The following DLG2 variants were observed in gnomAD, a reference collection of about 807,000 sequenced individuals.
DLG2 encodes the protein discs large MAGUK scaffold protein 2.
In DLG2, 45 loss-of-function variants were observed where a neutral mutation model predicts 132.5. The observed-to-expected ratio is 0.34, with a 90% CI of 0.27 to 0.44. DLG2 has a LOEUF of 0.44. Among genes scored for constraint, DLG2 ranks in the 20% least tolerant of loss-of-function variants. The pLI, the probability that DLG2 is intolerant of heterozygous loss-of-function variation, is 1.00. For missense variants in DLG2, 1,045 were observed against 1,196.9 expected (o/e 0.87, Z 1.87); for synonymous variants, 424 against 419.6 (o/e 1.01, Z -0.13).
intron 6 of DLG2, among the ~76,000 whole-genome samples, chr11:84,610,658 G>A (rs1489516042): frequency 6.6e-6 from 1 of 152,104 alleles, no homozygotes; most frequent in African/African-American, 2.4e-5. Context: ...CCTGTTGACA[G>A]TGTCCTTGCC....
intron 3 of DLG2, among the ~76,000 whole-genome samples, chr11:85,433,666 A>C (rs193135102): frequency 1.8e-4 from 28 of 152,346 alleles, no homozygotes; most frequent in Admixed American, 9.8e-4. Flanking sequence ...AGATTCATAA[A>C]ACAAGTTCTT....
chr11:84,375,898 C>T (rs2098727149), intron 7 of DLG2, among the ~76,000 whole-genome samples: 1 of 151,938 alleles, frequency 6.6e-6, no homozygotes, highest in African/African-American at 2.4e-5. Flanking sequence ...TTTTGTATAA[C>T]TTATTAATTA....
chr11:85,500,768 A>G (rs1276800798), intron 3 of DLG2, among the ~76,000 whole-genome samples: 2 of 152,156 alleles, frequency 1.3e-5, no homozygotes, highest in East Asian at 3.9e-4. Flanking sequence ...GAAATAAGAG[A>G]GGACACAAAC....
At chr11:84,830,191 G>A (rs1309851441) in intron 6 of DLG2, among the ~76,000 whole-genome samples, 5 of 151,530 alleles carry the variant, frequency 3.3e-5, no homozygotes, top group South Asian at 4.1e-4. Flanking sequence ...GGTGCTCAGA[G>A]AGAGAAACAG....
intron 6 of DLG2, among the ~76,000 whole-genome samples, chr11:85,087,643 C>T (rs1234276850): frequency 6.6e-6 from 1 of 150,462 alleles, no homozygotes; most frequent in Non-Finnish European, 1.5e-5. Context: ...TCGAGACCAT[C>T]CTGGCTAACA....
intron 7 of DLG2, among the ~76,000 whole-genome samples, chr11:84,397,709 T>A (rs543114576): frequency 6.6e-6 from 1 of 152,230 alleles, no homozygotes; most frequent in Non-Finnish European, 1.5e-5. Flanking sequence ...CTGTCACTGA[T>A]GTTTGTTGTG....
chr11:84,002,022 A>G (rs1284030030), intron 11 of DLG2, among the ~76,000 whole-genome samples: 1 of 152,162 alleles, frequency 6.6e-6, no homozygotes, highest in Admixed American at 6.6e-5. Context: ...AAAAGCAAGA[A>G]CAAACCCATC....
intron 6 of DLG2, among the ~76,000 whole-genome samples, chr11:84,838,435 T>C (rs1196167006): frequency 1.3e-5 from 2 of 150,814 alleles, no homozygotes; most frequent in Non-Finnish European, 3.0e-5. Flanking sequence ...GTTGCATCTA[T>C]CAAATAGACA....
At chr11:83,797,667 C>T (rs1302580033) in intron 17 of DLG2, among the ~76,000 whole-genome samples, 1 of 152,014 alleles carries the variant, frequency 6.6e-6, no homozygotes, top group Admixed American at 6.6e-5. Flanking sequence ...TACAGGCACT[C>T]GCCACCATGC....
At chr11:83,790,842 G>T in intron 17 of DLG2, 1 of 750,236 alleles carries the variant, frequency 1.3e-6, no homozygotes, top group Non-Finnish European at 2.4e-6. Context: ...TTCCATGGTA[G>T]AAGAACTGTC....
chr11:84,015,544 C>T (rs1254926914), intron 11 of DLG2, among the ~76,000 whole-genome samples: 1 of 152,126 alleles, frequency 6.6e-6, no homozygotes, highest in East Asian at 1.9e-4. Context: ...CCACTCCCCA[C>T]TCTCCAACAG....
intron 4 of DLG2, among the ~76,000 whole-genome samples, chr11:85,179,595 A>C (rs1416090897): frequency 1.3e-5 from 2 of 151,826 alleles, no homozygotes; most frequent in Admixed American, 6.6e-5. Flanking sequence ...GATGTTTCCA[A>C]CCAGCAGAGG....
At chr11:84,160,129 T>A (rs184712233) in intron 9 of DLG2, among the ~76,000 whole-genome samples, 79 of 152,134 alleles carry the variant, frequency 5.2e-4, no homozygotes, top group Middle Eastern at 3.4e-3. Flanking sequence ...GGCTTCAGAA[T>A]TGGGAGTCAT....
intron 11 of DLG2, among the ~76,000 whole-genome samples, chr11:84,050,917 G>A (rs962622932): frequency 3.3e-5 from 5 of 151,896 alleles, no homozygotes; most frequent in Admixed American, 1.3e-4. Flanking sequence ...TTTGGTTACT[G>A]TAGCCTTGTA....
intron 7 of DLG2, among the ~76,000 whole-genome samples, chr11:84,502,350 CTTTCTTTCTTTCTTTCTTTCTTTCTTT>C (rs2099219455): frequency 1.9e-5 from 1 of 53,286 alleles, no homozygotes; most frequent in African/African-American, 1.2e-4. Context: ...TTCTTTCTTT[CTTTCTTTCTTTCTTTCTTTCTTTCTTT>C]CTTTCTTTCT....
intron 5 of DLG2, among the ~76,000 whole-genome samples, chr11:85,128,992 A>C (rs2075427867): frequency 6.6e-6 from 1 of 152,224 alleles, no homozygotes; most frequent in African/African-American, 2.4e-5. Flanking sequence ...AAGATGAAGA[A>C]ATCAGTGTTT....
At chr11:83,732,806 A>T (rs544717659) in intron 18 of DLG2, among the ~76,000 whole-genome samples, 1 of 152,152 alleles carries the variant, frequency 6.6e-6, no homozygotes, top group African/African-American at 2.4e-5. Flanking sequence ...TCATGCTCCA[A>T]CTGGGGAGGG....
intron 3 of DLG2, among the ~76,000 whole-genome samples, chr11:85,404,145 A>C (rs1410808491): frequency 6.6e-6 from 1 of 152,040 alleles, no homozygotes; most frequent in Non-Finnish European, 1.5e-5. Context: ...GGTAGGATCC[A>C]CGTTATGATA....
At chr11:85,498,047 T>C (rs1206939829) in intron 3 of DLG2, among the ~76,000 whole-genome samples, 1 of 152,162 alleles carries the variant, frequency 6.6e-6, no homozygotes, top group East Asian at 1.9e-4. Context: ...CCAGCTACCA[T>C]CATAATGACA....
Sources: allele counts gnomAD v4.1 joint callset (sites outside exome capture counted in the v4.1 genomes callset), GRCh38; gene constraint gnomAD v4.1.1; transcripts MANE v1.5; gene names NCBI Gene and HGNC (gene_info 2026-07-23, HGNC 2026-07-21).